Variants in STK32C observed in about 807,000 individuals in gnomAD.
STK32C encodes the protein serine/threonine kinase 32C.
STK32C carries 31 observed loss-of-function variants against 56.5 expected under a neutral mutation model. The ratio of observed to expected loss-of-function variants is 0.55; its 90% confidence interval spans 0.41 to 0.74. The LOEUF (loss-of-function observed/expected upper bound fraction) is 0.74, where lower values mean the gene tolerates loss of function less well. Among genes scored for constraint, STK32C ranks in the 30% least tolerant of loss-of-function variants. STK32C has a pLI of 0.00. For synonymous variants in STK32C, 309 were observed against 289.4 expected (o/e 1.07, Z -0.69); for missense variants, 544 against 676.9 (o/e 0.80, Z 2.18).
chr10:132,287,745 G>A lies in STK32C; in HGVS notation c.262+19827C>T, dbSNP rs140705199. 2.8e-3 allele frequency among the ~76,000 whole-genome samples: 421 copies of A among 152,044 alleles called. 4 individuals are homozygous for A. The highest frequency in any genetic ancestry group is 9.2e-3 in the African/African-American group (381 of 41,498). On this transcript the variant is annotated intron_variant, in intron 1 of 11. Coordinates refer to ENST00000298630, the MANE Select transcript of STK32C (RefSeq NM_173575.4). ...TGGGATTACAGGCATGAGCCACTGCGCCTGGCCAAAAATCCTCAATTTTTA... is the reference window on the plus strand; with the variant it reads ...TGGGATTACAGGCATGAGCCACTGCACCTGGCCAAAAATCCTCAATTTTTA...
upstream of STK32C, chr10:132,332,026 C>T: frequency 2.7e-6 from 1 of 373,524 alleles, no homozygotes; most frequent in Non-Finnish European, 4.8e-6. Flanking sequence ...GGCACCCACA[C>T]CCCGCCCCCG....
Position 132,208,176 on chromosome 10 carries a change from G to A in STK32C, c.1320-25C>T, listed in dbSNP as rs1292636389. ...CCTGGGGTGGCAGGAACACATGGAGGGCGTTATGCCCCCACCTCCCTGGCC... is the reference window on the plus strand; with the variant it reads ...CCTGGGGTGGCAGGAACACATGGAGAGCGTTATGCCCCCACCTCCCTGGCC... On this transcript the variant is annotated intron_variant, in intron 11 of 11. Coordinates refer to ENST00000298630, the MANE Select transcript of STK32C (RefSeq NM_173575.4). The A allele has an allele frequency of 4.6e-6, 6 of 1,307,318 alleles. No homozygotes were observed. The African/African-American group carries it at 7.5e-5, about 16-fold the overall frequency. 81.0% of individuals were successfully genotyped at this position (1,307,318 alleles called of 1,614,324 possible).
intron 1 of STK32C, among the ~76,000 whole-genome samples, chr10:132,280,667 A>ACTCCGTGATCACCACACTCCC: frequency 7.2e-6 from 1 of 139,040 alleles, no homozygotes; most frequent in Non-Finnish European, 1.5e-5. Flanking sequence ...ACCACACTCC[A>ACTCCGTGATCACCACACTCCC]CTCCGTGATC....
chr10:132,318,867 TAA>T (rs11356644), intron 1 of STK32C, among the ~76,000 whole-genome samples: 246 of 147,510 alleles, frequency 1.7e-3, no homozygotes, highest in African/African-American at 5.7e-3. Context: ...TTGCCATAAT[TAA>T]AAAAAAAAAA....
At chr10:132,243,008 G>C (rs2063560243) in intron 2 of STK32C, among the ~76,000 whole-genome samples, 1 of 152,356 alleles carries the variant, frequency 6.6e-6, no homozygotes, top group Middle Eastern at 3.4e-3. Context: ...AGAGGGGCCG[G>C]GGCTCGGCAT....
intron 2 of STK32C, among the ~76,000 whole-genome samples, chr10:132,230,689 G>C (rs1477163892): frequency 6.9e-6 from 1 of 144,164 alleles, no homozygotes; most frequent in Non-Finnish European, 1.5e-5. Context: ...CGGGGGGGGG[G>C]GGGCTGCAGA....
At chr10:132,283,235 C>T (rs1484777328) in intron 1 of STK32C, among the ~76,000 whole-genome samples, 1 of 152,260 alleles carries the variant, frequency 6.6e-6, no homozygotes, top group Non-Finnish European at 1.5e-5. Context: ...GACACCCCAG[C>T]AAAACGTTTT....
At chr10:132,294,486 A>AATAGGGCTGTGGGCTGACAC (rs2065676207) in intron 1 of STK32C, among the ~76,000 whole-genome samples, 1 of 152,060 alleles carries the variant, frequency 6.6e-6, no homozygotes, top group African/African-American at 2.4e-5. Flanking sequence ...AGGGCTGAGA[A>AATAGGGCTGTGGGCTGACAC]ATAGGGCTGT....
chr10:132,318,498 C>T (rs1276974077), intron 1 of STK32C, among the ~76,000 whole-genome samples: 1 of 151,150 alleles, frequency 6.6e-6, no homozygotes, highest in African/African-American at 2.4e-5. Context: ...ACCTGTAATC[C>T]CAGCTACTTA....
At position 132,275,223 on chromosome 10, in the gene STK32C, G is replaced by A. The variant is rs147163323; in HGVS notation, c.263-29268C>T. Among the ~76,000 whole-genome samples the A allele has an allele frequency of 1.8e-4, 27 of 152,320 alleles. No individual in the cohort carries two copies. In the East Asian group the frequency reaches 5.0e-3, roughly 28 times the overall value. Reference sequence around the variant, plus strand: ...GTACCCGTGCCCACCATGTCTCTGGGCAGTGCTGCCCCACCAGGCCCCATG... The same window carrying A: ...GTACCCGTGCCCACCATGTCTCTGGACAGTGCTGCCCCACCAGGCCCCATG... On this transcript the variant is annotated intron_variant, in intron 1 of 11. Coordinates refer to ENST00000298630, the MANE Select transcript of STK32C (RefSeq NM_173575.4).
At chr10:132,221,522 T>C (rs1459291990) in intron 10 of STK32C, among the ~76,000 whole-genome samples, 1 of 115,692 alleles carries the variant, frequency 8.6e-6, no homozygotes, top group South Asian at 3.3e-4. Flanking sequence ...ACACAACTAA[T>C]ATCAACGCAC....
chr10:132,318,478 G>A (rs1416442654), intron 1 of STK32C, among the ~76,000 whole-genome samples: 1 of 151,508 alleles, frequency 6.6e-6, no homozygotes, highest in African/African-American at 2.4e-5. Context: ...AGCCAGGCAT[G>A]GTGGTGCGCA....
intron 10 of STK32C, among the ~76,000 whole-genome samples, chr10:132,221,284 C>T (rs938105976): frequency 6.7e-5 from 10 of 149,790 alleles, no homozygotes; most frequent in South Asian, 6.5e-4. Flanking sequence ...CTGATGCTGA[C>T]GCACCTGGGC....
chr10:132,224,109 G>A (rs1242244268), intron 8 of STK32C, among the ~76,000 whole-genome samples: 3 of 148,650 alleles, frequency 2.0e-5, no homozygotes, highest in African/African-American at 4.9e-5. Context: ...TGTGGTGACC[G>A]GCAGGGCGGG....
intron 2 of STK32C, 122 bp from the exon 3 acceptor site, chr10:132,228,250 C>G: frequency 2.4e-6 from 3 of 1,264,952 alleles, no homozygotes; most frequent in Non-Finnish European, 3.5e-6. Flanking sequence ...CACCTGGGGA[C>G]GCGCCGCAGC....
intron 1 of STK32C, among the ~76,000 whole-genome samples, chr10:132,269,244 T>TCC (rs1370069120): frequency 6.6e-6 from 1 of 152,220 alleles, no homozygotes; most frequent in Non-Finnish European, 1.5e-5. Context: ...TGTCTGTGTC[T>TCC]CCGTGCATGT....
At chr10:132,321,950 T>C (rs2066416852), downstream of STK32C, among the ~76,000 whole-genome samples, 1 of 152,150 alleles carries the variant, frequency 6.6e-6, no homozygotes, top group Non-Finnish European at 1.5e-5. Context: ...AAGGGGGAAT[T>C]GTGGGGCTGT....
chr10:132,331,966 C>G (rs2066785569), upstream of STK32C: 1 of 504,566 alleles, frequency 2.0e-6, no homozygotes, highest in South Asian at 3.1e-5. Context: ...CGCACCACAC[C>G]CCGCCCCCTC....
intron 2 of STK32C, among the ~76,000 whole-genome samples, chr10:132,230,985 T>A (rs1275470217): frequency 6.6e-6 from 1 of 152,142 alleles, no homozygotes; most frequent in African/African-American, 2.4e-5. Context: ...CCCTGTCACA[T>A]GTGCGGCGGA....
Sources: gnomAD v4.1 joint callset for allele counts (sites outside exome capture counted in the v4.1 genomes callset) on GRCh38, gnomAD v4.1.1 for gene constraint, MANE v1.5 for transcripts, NCBI Gene and HGNC (gene_info 2026-07-23, HGNC 2026-07-21) for gene names.